Variants in TMEM135 observed in about 807,000 individuals in gnomAD.
The protein encoded by TMEM135 is transmembrane protein 135, also known as peroxisomal membrane protein 52.
In TMEM135, 30 loss-of-function variants were observed where a neutral mutation model predicts 60.3. The ratio of observed to expected loss-of-function variants is 0.50; its 90% CI spans 0.37 to 0.68. The LOEUF (loss-of-function observed/expected upper bound fraction) is 0.68. Among genes scored for constraint, TMEM135 ranks in the 30% least tolerant of loss-of-function variants. The probability of loss-of-function intolerance (pLI) is 0.00; values close to 1 mark genes in which losing one functional copy is unlikely to be tolerated. For missense variants in TMEM135, 468 were observed against 548.8 expected, an observed-to-expected ratio of 0.85 and a Z score of 1.47; for synonymous variants, 190 against 186.7, an observed-to-expected ratio of 1.02 and a Z score of -0.14.
chr11:87,213,559 T>C (rs1053604357), intron 5 of TMEM135, among the ~76,000 whole-genome samples: 2 of 152,154 alleles, frequency 1.3e-5, no homozygotes, highest in Admixed American at 1.3e-4. Context: ...TATTAATAGG[T>C]AGTTTAAGTA....
chr11:87,202,977 G>A, intron 5 of TMEM135, among the ~76,000 whole-genome samples: 1 of 141,538 alleles, frequency 7.1e-6, no homozygotes. Context: ...AGCTTGCAGT[G>A]AGCCGAGATC....
chr11:87,200,577 G>GATATA (rs1940071428), intron 5 of TMEM135, among the ~76,000 whole-genome samples: 2 of 152,096 alleles, frequency 1.3e-5, no homozygotes, highest in Non-Finnish European at 2.9e-5. Context: ...ACTCCAGAAT[G>GATATA]ATATACTTTG....
chr11:87,146,507 G>T (rs1464109545), intron 4 of TMEM135, among the ~76,000 whole-genome samples: 1 of 152,102 alleles, frequency 6.6e-6, no homozygotes, highest in Non-Finnish European at 1.5e-5. Context: ...CTCCCAAGTA[G>T]CTGGGAGGCT....
chr11:87,090,163 C>A (rs1857176684), intron 3 of TMEM135, among the ~76,000 whole-genome samples: 1 of 152,044 alleles, frequency 6.6e-6, no homozygotes, highest in Admixed American at 6.6e-5. Flanking sequence ...CCCTTTTAAC[C>A]AGAGTAGGTC....
intron 6 of TMEM135, among the ~76,000 whole-genome samples, chr11:87,262,672 A>T (rs1941674790): frequency 6.6e-6 from 1 of 152,182 alleles, no homozygotes; most frequent in African/African-American, 2.4e-5. Flanking sequence ...CAAGCCAATT[A>T]TCTGGCCAGC....
At chr11:87,190,604 G>A (rs1939777121) in intron 5 of TMEM135, among the ~76,000 whole-genome samples, 1 of 152,060 alleles carries the variant, frequency 6.6e-6, no homozygotes, top group Admixed American at 6.6e-5. Context: ...TAAACTATTT[G>A]TCATTAATGT....
At chr11:87,049,445 G>T (rs1334329290) in intron 1 of TMEM135, among the ~76,000 whole-genome samples, 3 of 103,806 alleles carry the variant, frequency 2.9e-5, no homozygotes, top group Admixed American at 1.0e-4. Flanking sequence ...GACACACATA[G>T]GCTCAAAATA....
chr11:87,302,150 G>A (rs1003758890), intron 7 of TMEM135, 146 bp from the exon 8 acceptor site: 34 of 861,122 alleles, frequency 3.9e-5, no homozygotes, highest in Non-Finnish European at 5.4e-5. Flanking sequence ...TTCATAGGAT[G>A]ATTTGATTTT....
intron 7 of TMEM135, among the ~76,000 whole-genome samples, chr11:87,297,918 T>C (rs1158315644): frequency 6.6e-6 from 1 of 152,214 alleles, no homozygotes; most frequent in Non-Finnish European, 1.5e-5. Flanking sequence ...GAATATGGAC[T>C]CACCACATTG....
intron 3 of TMEM135, among the ~76,000 whole-genome samples, chr11:87,072,192 C>T (rs563123697): frequency 1.3e-5 from 2 of 152,178 alleles, no homozygotes; most frequent in East Asian, 1.9e-4. Flanking sequence ...AGACTCCTGT[C>T]TCAAAAAACA....
chr11:87,082,636 T>C (rs563315327), intron 3 of TMEM135, among the ~76,000 whole-genome samples: 83 of 152,300 alleles, frequency 5.4e-4, no homozygotes, highest in African/African-American at 1.9e-3. Flanking sequence ...GTTGAAACTG[T>C]GGAAGTAGAT....
At chr11:87,283,516 C>G (rs989502088) in intron 6 of TMEM135, among the ~76,000 whole-genome samples, 2 of 152,068 alleles carry the variant, frequency 1.3e-5, no homozygotes, top group African/African-American at 4.8e-5. Flanking sequence ...AATATGAAAA[C>G]AGATTGCTAT....
At chr11:87,228,561 G>A (rs1229685498) in intron 5 of TMEM135, among the ~76,000 whole-genome samples, 5 of 152,104 alleles carry the variant, frequency 3.3e-5, no homozygotes, top group Admixed American at 2.6e-4. Context: ...GAATACGGGG[G>A]GAGATGAGTT....
chr11:87,180,520 A>T (rs888397171), intron 5 of TMEM135, among the ~76,000 whole-genome samples: 6 of 152,112 alleles, frequency 3.9e-5, no homozygotes, highest in Non-Finnish European at 8.8e-5. Context: ...AGAGAAAAAG[A>T]TGACCTAAAT....
At chr11:87,132,029 A>G (rs979865154) in intron 4 of TMEM135, among the ~76,000 whole-genome samples, 3 of 152,216 alleles carry the variant, frequency 2.0e-5, no homozygotes, top group South Asian at 4.1e-4. Flanking sequence ...TCACCCCTAG[A>G]TGGGACCATC....
intron 4 of TMEM135, among the ~76,000 whole-genome samples, chr11:87,151,878 G>T (rs976147008): frequency 6.6e-6 from 1 of 152,112 alleles, no homozygotes; most frequent in African/African-American, 2.4e-5. Context: ...ATATCCCATC[G>T]TTATTAGTAT....
intron 2 of TMEM135, among the ~76,000 whole-genome samples, chr11:87,070,672 G>A (rs940019185): frequency 6.6e-6 from 1 of 151,868 alleles, no homozygotes; most frequent in Admixed American, 6.6e-5. Context: ...AACCAAAAAC[G>A]AAACCCAGAC....
chr11:87,234,569 C>A (rs1378686850), intron 5 of TMEM135, among the ~76,000 whole-genome samples: 1 of 152,030 alleles, frequency 6.6e-6, no homozygotes, highest in Non-Finnish European at 1.5e-5. Context: ...TCACTTATGT[C>A]AGTTACAAAA....
At chr11:87,159,156 T>C (rs1172232821) in intron 5 of TMEM135, among the ~76,000 whole-genome samples, 1 of 152,206 alleles carries the variant, frequency 6.6e-6, no homozygotes, top group Non-Finnish European at 1.5e-5. Flanking sequence ...TGTTGTTCCA[T>C]GTGGCCAACC....
Sources: gnomAD v4.1 joint callset for allele counts (sites outside exome capture counted in the v4.1 genomes callset) on GRCh38, gnomAD v4.1.1 for gene constraint, MANE v1.5 for transcripts, NCBI Gene and HGNC (gene_info 2026-07-23, HGNC 2026-07-21) for gene names.